GET1: variants seen among roughly 807,000 people sequenced by gnomAD.
GET1 encodes the protein congenital heart disease 5 protein.
GET1 carries 20 observed loss-of-function variants against 22.6 expected under a neutral mutation model. That is an observed-to-expected ratio of 0.89 (90% CI 0.62 to 1.29). GET1 has a LOEUF of 1.29. Among genes scored for constraint, GET1 ranks in the 50% most tolerant of loss-of-function variants. The probability of loss-of-function intolerance (pLI) is 0.00; values close to 1 mark genes in which losing one functional copy is unlikely to be tolerated. For synonymous variants in GET1, 92 were observed against 83.8 expected, an observed-to-expected ratio of 1.10 and a Z score of -0.53; for missense variants, 209 against 219.9, an observed-to-expected ratio of 0.95 and a Z score of 0.31.
chr21:39,395,065 G>A (rs1235007685), intron 4 of GET1, among the ~76,000 whole-genome samples: 2 of 151,878 alleles, frequency 1.3e-5, no homozygotes, highest in Non-Finnish European at 2.9e-5. Flanking sequence ...TATAGAGATG[G>A]GGTCTTGCTT....
intron 1 of GET1, chr21:39,422,913 A>C: frequency 6.9e-7 from 1 of 1,457,534 alleles, no homozygotes; most frequent in Non-Finnish European, 9.4e-7. Context: ...ATCCATGATT[A>C]ATTCACACCC....
At chr21:39,421,198 G>A (rs1027976373) in intron 1 of GET1, among the ~76,000 whole-genome samples, 10 of 151,764 alleles carry the variant, frequency 6.6e-5, no homozygotes, top group African/African-American at 2.2e-4. Flanking sequence ...CACCTCCTGG[G>A]TTCAAACGAT....
intron 1 of GET1, among the ~76,000 whole-genome samples, chr21:39,416,042 A>C (rs1259048088): frequency 6.6e-6 from 1 of 152,218 alleles, no homozygotes; most frequent in Non-Finnish European, 1.5e-5. Flanking sequence ...ATTCATTAGG[A>C]GTTTCCAAAA....
intron 1 of GET1, among the ~76,000 whole-genome samples, chr21:39,415,162 A>C (rs1195795751): frequency 6.6e-6 from 1 of 152,108 alleles, no homozygotes; most frequent in Non-Finnish European, 1.5e-5. Flanking sequence ...TCAACTTCCC[A>C]AAAAATGATG....
At chr21:39,395,796 C>T (rs571224859) in intron 4 of GET1, among the ~76,000 whole-genome samples, 5 of 152,312 alleles carry the variant, frequency 3.3e-5, no homozygotes, top group Admixed American at 2.0e-4. Context: ...AGAGAAGCAT[C>T]CAGCCACCCT....
downstream of GET1, among the ~76,000 whole-genome samples, chr21:39,399,253 C>T (rs1407657034): frequency 6.6e-6 from 1 of 151,846 alleles, no homozygotes; most frequent in African/African-American, 2.4e-5. Flanking sequence ...AAAAATAATA[C>T]CTAAAAAGAC....
intron 1 of GET1, among the ~76,000 whole-genome samples, chr21:39,413,384 T>C (rs1278243246): frequency 2.0e-5 from 3 of 152,216 alleles, no homozygotes; most frequent in Non-Finnish European, 4.4e-5. Flanking sequence ...CAAGCTTTTA[T>C]CCATTTCTTC....
intron 1 of GET1, chr21:39,421,860 G>C (rs2073822570): frequency 6.6e-6 from 1 of 152,036 alleles, no homozygotes; most frequent in South Asian, 2.1e-4. Flanking sequence ...TCTCATACTT[G>C]GTAAGTGCTT....
downstream of GET1, among the ~76,000 whole-genome samples, chr21:39,407,188 C>T (rs2039214948): frequency 2.0e-5 from 3 of 152,230 alleles, no homozygotes; most frequent in Admixed American, 2.0e-4. Context: ...GACTGTGCCA[C>T]TGCATACCAG....
intron 1 of GET1, among the ~76,000 whole-genome samples, chr21:39,417,040 A>G (rs1053787217): frequency 9.9e-5 from 15 of 151,856 alleles, no homozygotes; most frequent in Non-Finnish European, 1.8e-4. Context: ...ATAGCTTTTT[A>G]TTTTATTTTT....
At position 39,397,002 on chromosome 21, in the gene GET1, G is replaced by T; in HGVS notation, c.*63G>T. ...ATTTCCTCTTCCTAGCTTAAAATCT[G>T]ATTTACACTGTTTTGTTTTTTAAGA... On this transcript the variant is annotated 3_prime_UTR_variant, in exon 5 of 5. Transcript: ENST00000649170. 1.3e-6 allele frequency: 2 copies of T among 1,553,020 alleles called. No individual in the cohort carries two copies. The highest frequency in any genetic ancestry group is 1.8e-6 in the Non-Finnish European group (2 of 1,131,304).
At chr21:39,385,794 A>C (rs528141695) in intron 1 of GET1, among the ~76,000 whole-genome samples, 1 of 151,416 alleles carries the variant, frequency 6.6e-6, no homozygotes, top group South Asian at 2.1e-4. Flanking sequence ...TGCAAGCCGC[A>C]CGCACTGCAC....
downstream of GET1, chr21:39,410,975 GCT>G: frequency 2.1e-6 from 1 of 468,810 alleles, no homozygotes. Context: ...CGAATCTGTT[GCT>G]GGGAGATTTT....
downstream of GET1, chr21:39,406,768 A>G: frequency 1.7e-6 from 1 of 589,240 alleles, no homozygotes; most frequent in African/African-American, 1.9e-5. Flanking sequence ...GATTACAGAG[A>G]AAGGTGCTAT....
chr21:39,396,680 C>T (rs1486389910), intron 4 of GET1, among the ~76,000 whole-genome samples, 186 bp from the exon 5 acceptor site: 9 of 111,534 alleles, frequency 8.1e-5, no homozygotes, highest in Non-Finnish European at 1.3e-4. Flanking sequence ...AGCGAGACTC[C>T]GTCTCAAAAA....
intron 1 of GET1, among the ~76,000 whole-genome samples, chr21:39,418,767 T>C (rs1200482409): frequency 6.6e-6 from 1 of 152,332 alleles, no homozygotes; most frequent in East Asian, 1.9e-4. Context: ...CCCAAAGTGC[T>C]GGGATTACAG....
At chr21:39,418,425 G>T (rs1007666579) in intron 1 of GET1, among the ~76,000 whole-genome samples, 3 of 152,006 alleles carry the variant, frequency 2.0e-5, no homozygotes, top group Non-Finnish European at 4.4e-5. Context: ...ACTGTATATA[G>T]AATTTTCTAT....
chr21:39,406,060 T>C (rs1305759111), exon 5 of GET1: 1 of 1,614,162 alleles, frequency 6.2e-7, no homozygotes, highest in Non-Finnish European at 8.5e-7. Flanking sequence ...ACTTGATTGG[T>C]CAGTTTTCAA....
chr21:39,422,271 T>C (rs938999620), intron 1 of GET1: 1 of 152,278 alleles, frequency 6.6e-6, no homozygotes, highest in Non-Finnish European at 1.5e-5. Context: ...TGTTTATGTC[T>C]ATACAGACTC....
Sources: gnomAD v4.1 joint callset for allele counts (sites outside exome capture counted in the v4.1 genomes callset) on GRCh38, gnomAD v4.1.1 for gene constraint, MANE v1.5 for transcripts, NCBI Gene and HGNC (gene_info 2026-07-23, HGNC 2026-07-21) for gene names.